Variants in ANKRD37 observed in about 807,000 individuals in gnomAD.
The protein encoded by ANKRD37 is ankyrin repeat domain-containing protein 37.
A neutral mutation model predicts 19.7 loss-of-function variants in ANKRD37; 17 were observed. That is an observed-to-expected ratio of 0.86 (90% CI 0.59 to 1.29). The LOEUF (loss-of-function observed/expected upper bound fraction) is 1.29, where lower values mean the gene tolerates loss of function less well. ANKRD37 is among the 50% of genes most tolerant of loss of function. The pLI, the probability that ANKRD37 is intolerant of heterozygous loss-of-function variation, is 0.00. For synonymous variants in ANKRD37, 79 were observed against 74.5 expected (o/e 1.06, Z -0.31); for missense variants, 207 against 190.4 (o/e 1.09, Z -0.51).
chr4:185,398,279 C>T (rs1580038090), intron 2 of ANKRD37, among the ~76,000 whole-genome samples: 1 of 152,004 alleles, frequency 6.6e-6, no homozygotes, highest in African/African-American at 2.4e-5. Flanking sequence ...TTAATGAAAA[C>T]GGTATGAAAA....
In ANKRD37 at chr4:185,399,743, T is replaced by C. The variant is rs202233404; in HGVS notation, c.446T>C (p.Val149Ala). The C allele has an allele frequency of 3.7e-6, 6 of 1,614,012 alleles. No individual in the cohort carries two copies. The African/African-American group carries it at 5.3e-5, about 14-fold the overall frequency. Residue 149 changes from valine to alanine, a missense_variant, in exon 4 of 5, where the codon GTA becomes GCA. Physicochemically the swap from Val to Ala is moderately conservative, Grantham distance 64. Transcript: ENST00000335174. Reference sequence around the variant, plus strand: ...AGACAGAAACGGAGTCTCGGAAGTGTAGAAAATACCAGTGGGAAAAGGAAG... The same window carrying C: ...AGACAGAAACGGAGTCTCGGAAGTGCAGAAAATACCAGTGGGAAAAGGAAG... The part of the protein sequence containing the change: ...VLRQKRSLGS[V>A]ENTSGKRKC
chr4:185,400,554 T>A (rs2095512083), downstream of ANKRD37: 9 of 1,096,204 alleles, frequency 8.2e-6, no homozygotes, highest in East Asian at 1.9e-4. Flanking sequence ...GACATCAGGC[T>A]CTGTCAGCAG....
downstream of ANKRD37, chr4:185,400,672 A>G: frequency 2.4e-6 from 1 of 421,250 alleles, no homozygotes; most frequent in Admixed American, 4.1e-5. Context: ...TGAACTTTTA[A>G]TTCTATGTAT....
chr4:185,398,873 T>C (rs1271913606), intron 2 of ANKRD37, 64 bp from the exon 3 acceptor site: 1 of 1,199,078 alleles, frequency 8.3e-7, no homozygotes, highest in East Asian at 2.4e-5. Flanking sequence ...ATATTAAATG[T>C]CACTCATCAA....
chr4:185,398,341 G>C (rs1209356214), intron 2 of ANKRD37, among the ~76,000 whole-genome samples: 1 of 151,934 alleles, frequency 6.6e-6, no homozygotes, highest in Non-Finnish European at 1.5e-5. Context: ...GCTTACCGAG[G>C]AAAAAAACAA....
At chr4:185,397,577 C>G (rs978606852) in intron 2 of ANKRD37, 26 of 399,702 alleles carry the variant, frequency 6.5e-5, no homozygotes, top group Non-Finnish European at 9.9e-5. Context: ...GTTATCAGTT[C>G]AATATGTAAT....
At chr4:185,397,445 G>A (rs1580034815) in intron 2 of ANKRD37, 143 bp downstream of exon 2, 5 of 1,154,948 alleles carry the variant, frequency 4.3e-6, no homozygotes, top group Non-Finnish European at 5.9e-6. Context: ...GCAAGACACA[G>A]ATGTAATTTA....
chr4:185,399,135 G>C (rs971720925), intron 3 of ANKRD37, 107 bp downstream of exon 3: 1 of 932,250 alleles, frequency 1.1e-6, no homozygotes, highest in African/African-American at 1.6e-5. Context: ...TTGCGTAATT[G>C]ATAATTTAGT....
chr4:185,397,124 G>T (rs1286783594), intron 1 of ANKRD37, 26 bp from the exon 2 acceptor site: 1 of 1,612,640 alleles, frequency 6.2e-7, no homozygotes, highest in Non-Finnish European at 8.5e-7. Flanking sequence ...GGTGGGAAGG[G>T]TGCTGGATCT....
At position 185,398,963 on chromosome 4, in the gene ANKRD37, C is replaced by G. The variant is rs2095509603; in HGVS notation, c.207C>G (p.His69Gln). 1 of 1,613,724 alleles carries G rather than the reference C, an allele frequency of 6.2e-7. No homozygotes were observed. The highest frequency in any genetic ancestry group is 1.7e-5 in the Admixed American group (1 of 59,994). Residue 69 changes from histidine (H) to glutamine (Q), a missense_variant, in exon 3 of 5, where the codon CAC becomes CAG. Transcript: ENST00000335174. ...QQDVLGEAPL[H>Q]KAAKVGSLEC... The stretch of plus-strand genomic sequence containing the variant: ...ATGTTTTAGGAGAAGCTCCACTACA[C>G]AAGGCAGCAAAAGTTGGAAGCCTGG...
rs754811311 is a variant in ANKRD37 at position 185,397,159 on chromosome 4, C to T, written c.37C>T (p.Leu13=). ...TGTTCTCTTCCTGCAGGTGGATGGT[C>T]TGAAGCATTTGCTGGAGACAGGGGC... The part of the protein sequence containing the change: ...LLDCNPEVDG[L]KHLLETGASV... Residue 13 remains leucine, a synonymous_variant, in exon 2 of 5, where the codon CTG becomes TTG. Coordinates refer to ENST00000335174, the MANE Select transcript of ANKRD37 (RefSeq NM_181726.4). The T allele has an allele frequency of 1.2e-6, 2 of 1,613,502 alleles. No individual in the cohort carries two copies. The highest frequency in any genetic ancestry group is 1.1e-5 in the South Asian group (1 of 91,052).
intron 2 of ANKRD37, 118 bp downstream of exon 2, chr4:185,397,420 C>T (rs1351730815): frequency 9.4e-6 from 12 of 1,278,608 alleles, no homozygotes; most frequent in South Asian, 7.7e-5. Context: ...CAGCGATGTC[C>T]AACAGAAATA....
chr4:185,397,367 C>T lies in ANKRD37; in HGVS notation c.180+65C>T. On this transcript the variant is annotated intron_variant, in intron 2 of 4. Coordinates refer to ENST00000335174, the MANE Select transcript of ANKRD37 (RefSeq NM_181726.4). ...AACCCAGACACACACAAACATTTCT[C>T]AGACGCCAAGAGTTGTTTCAGCTGT... is the stretch of plus-strand genomic sequence containing the variant. The T allele has an allele frequency of 2.6e-6, 4 of 1,567,340 alleles. No homozygotes were observed. The South Asian group carries it at 4.6e-5, about 18-fold the overall frequency.
intron 2 of ANKRD37, among the ~76,000 whole-genome samples, chr4:185,398,617 A>T (rs1397870599): frequency 6.6e-6 from 1 of 152,182 alleles, no homozygotes; most frequent in East Asian, 1.9e-4. Flanking sequence ...GCAAACGATT[A>T]TCAGTAGTGT....
chr4:185,397,352 C>G (rs750685864), intron 2 of ANKRD37, 50 bp downstream of exon 2: 1 of 1,586,168 alleles, frequency 6.3e-7, no homozygotes, highest in Non-Finnish European at 8.6e-7. Context: ...AACCCAGACA[C>G]ACACAAACAT....
chr4:185,396,927 C>T lies in ANKRD37; in HGVS notation c.4C>T (p.Leu2=). Residue 2 remains leucine (L), a synonymous_variant, in exon 1 of 5, where the codon CTG becomes TTG. Coordinates refer to ENST00000335174, the MANE Select transcript of ANKRD37 (RefSeq NM_181726.4). M[L]LLDCNPEVDG... Reference sequence around the variant, plus strand: ...TGTCATCTGCCTTAGGCGGGAAATGCTGTTGCTGGATTGCAACCCCGAGGT... The same window carrying T: ...TGTCATCTGCCTTAGGCGGGAAATGTTGTTGCTGGATTGCAACCCCGAGGT... 6.2e-7 allele frequency: 1 copy of T among 1,613,628 alleles called. No individual in the cohort carries two copies. Among genetic ancestry groups the T allele is most frequent in the Non-Finnish European group, 8.5e-7 (1 of 1,180,036 alleles).
chr4:185,400,508 T>G, downstream of ANKRD37: 2 of 1,529,108 alleles, frequency 1.3e-6, no homozygotes, highest in Non-Finnish European at 1.8e-6. Flanking sequence ...AAGGAAAGCC[T>G]TTTACAAAGT....
At chr4:185,397,035 C>G in intron 1 of ANKRD37, 85 bp downstream of exon 1, 1 of 1,609,258 alleles carries the variant, frequency 6.2e-7, no homozygotes, top group African/African-American at 1.3e-5. Context: ...CGGGGACGGA[C>G]CACTGGGCGC....
chr4:185,399,860 C>T (rs1188561208), intron 4 of ANKRD37, 87 bp downstream of exon 4: 21 of 1,568,626 alleles, frequency 1.3e-5, no homozygotes, highest in South Asian at 4.7e-5. Context: ...TACTGACACT[C>T]GTATTTCTAG....
Sources: allele counts gnomAD v4.1 joint callset (sites outside exome capture counted in the v4.1 genomes callset), GRCh38; gene constraint gnomAD v4.1.1; transcripts MANE v1.5; gene names NCBI Gene and HGNC (gene_info 2026-07-23, HGNC 2026-07-21).